Variants in SAG observed in about 807,000 individuals in gnomAD.
The protein encoded by SAG is S-antigen visual arrestin.
Under a neutral mutation model 55.0 loss-of-function variants are expected in SAG, and 45 were observed. The observed-to-expected ratio is 0.82, with a 90% CI of 0.64 to 1.05. The LOEUF is 1.05. SAG is among the 50% of genes least tolerant of loss of function. The pLI is 0.00. For synonymous variants in SAG, 189 were observed against 197.4 expected (o/e 0.96, Z 0.36); for missense variants, 455 against 512.1 (o/e 0.89, Z 1.08).
chr2:233,336,439 C>T (rs377300567), intron 11 of SAG, among the ~76,000 whole-genome samples: 6 of 151,590 alleles, frequency 4.0e-5, no homozygotes, highest in Admixed American at 1.3e-4. Context: ...CGCTTGAACC[C>T]GGGAGGCGGA....
Position 233,312,018 on chromosome 2 carries a change from C to T in SAG, c.75+2754C>T, listed in dbSNP as rs574685924. ...GTGCATGCCTGTAATCCCAGCTACTCGGGAGGCTGAGGCAGGAGAATCGCT... is the reference window on the plus strand; with the variant it reads ...GTGCATGCCTGTAATCCCAGCTACTTGGGAGGCTGAGGCAGGAGAATCGCT... On this transcript the variant is annotated intron_variant, in intron 2 of 15. Coordinates refer to ENST00000409110, the MANE Select transcript of SAG (RefSeq NM_000541.5). 1.3e-4 allele frequency among the ~76,000 whole-genome samples: 20 copies of T among 152,098 alleles called. No homozygotes were observed. The East Asian group carries it at 2.7e-3, about 21-fold the overall frequency.
chr2:233,321,206 A>G (rs1419507973), intron 5 of SAG, among the ~76,000 whole-genome samples: 1 of 152,158 alleles, frequency 6.6e-6, no homozygotes, highest in Admixed American at 6.6e-5. Flanking sequence ...GTAAGATGTC[A>G]TCTTTTTCCT....
intron 2 of SAG, among the ~76,000 whole-genome samples, chr2:233,312,747 C>A (rs1290249309): frequency 6.6e-6 from 1 of 152,184 alleles, no homozygotes; most frequent in Non-Finnish European, 1.5e-5. Flanking sequence ...GAGAGCATGC[C>A]CTCAACCGTC....
chr2:233,321,080 C>T (rs1040112368), intron 5 of SAG, among the ~76,000 whole-genome samples: 2 of 152,194 alleles, frequency 1.3e-5, no homozygotes, highest in African/African-American at 2.4e-5. Flanking sequence ...ATTACATGAG[C>T]ACGTGTTATT....
intron 11 of SAG, among the ~76,000 whole-genome samples, chr2:233,335,567 T>C (rs954400657): frequency 7.1e-6 from 1 of 139,914 alleles, no homozygotes; most frequent in African/African-American, 2.6e-5. Flanking sequence ...AGTAATGCTC[T>C]TGGCTGTGTT....
chr2:233,309,567 C>T (rs1041191584), intron 2 of SAG, among the ~76,000 whole-genome samples: 4 of 152,152 alleles, frequency 2.6e-5, no homozygotes, highest in African/African-American at 9.7e-5. Context: ...ATCACTTGAA[C>T]CCAGGAGGTA....
At chr2:233,323,432 C>T (rs770648091) in intron 6 of SAG, among the ~76,000 whole-genome samples, 26 of 151,582 alleles carry the variant, frequency 1.7e-4, no homozygotes, top group Non-Finnish European at 2.5e-4. Flanking sequence ...GGCATGATCT[C>T]GGCTCACCAC....
chr2:233,317,633 A>C (rs1700246833), intron 3 of SAG, among the ~76,000 whole-genome samples: 1 of 152,264 alleles, frequency 6.6e-6, no homozygotes. Flanking sequence ...ATGGAGAGAT[A>C]TAAAGACATA....
At chr2:233,314,309 G>T (rs547409580) in intron 2 of SAG, among the ~76,000 whole-genome samples, 147 of 152,232 alleles carry the variant, frequency 9.7e-4, no homozygotes, top group Non-Finnish European at 1.8e-3. Flanking sequence ...TGGGGTTAAG[G>T]GATGAGGGAT....
intron 13 of SAG, among the ~76,000 whole-genome samples, chr2:233,341,580 A>G (rs547395611): frequency 1.0e-4 from 16 of 152,388 alleles, no homozygotes; most frequent in African/African-American, 3.8e-4. Context: ...GCTAAGTGAA[A>G]GAAACCAATA....
chr2:233,327,751 T>C (rs1427722326), intron 7 of SAG: 1 of 152,202 alleles, frequency 6.6e-6, no homozygotes, highest in African/African-American at 2.4e-5. Flanking sequence ...GGTTTCACCA[T>C]GTTGGCCAGG....
chr2:233,336,523 A>AG (rs1700935192), intron 11 of SAG, among the ~76,000 whole-genome samples: 1 of 151,944 alleles, frequency 6.6e-6, no homozygotes, highest in African/African-American at 2.4e-5. Context: ...CAGAAAAAAA[A>AG]AAAAACCAAC....
intron 10 of SAG, chr2:233,334,698 T>G (rs1368701482): frequency 2.5e-6 from 1 of 395,396 alleles, no homozygotes; most frequent in Non-Finnish European, 4.7e-6. Flanking sequence ...TCTCATTAAC[T>G]CCATAGAACA....
At chr2:233,346,548 C>T (rs753242438) in intron 15 of SAG, 136 bp downstream of exon 15, 9 of 967,946 alleles carry the variant, frequency 9.3e-6, no homozygotes, top group African/African-American at 6.4e-5. Flanking sequence ...CGCTACTTCC[C>T]GTCTGCTCCC....
chr2:233,313,289 G>T (rs3792104), intron 2 of SAG, among the ~76,000 whole-genome samples: 16,666 of 152,178 alleles, frequency 0.11, 1,090 homozygotes, highest in African/African-American at 0.17. Context: ...AGGAACAGAG[G>T]CACAAATCTG....
chr2:233,334,594 C>T (rs933958041), intron 10 of SAG: 2 of 192,894 alleles, frequency 1.0e-5, no homozygotes, highest in East Asian at 1.3e-4. Flanking sequence ...GGCCTGGACT[C>T]GTTGCTGACA....
At position 233,319,302 on chromosome 2, in the gene SAG, G is replaced by T. The variant is rs1237991110; in HGVS notation, c.181+507G>T. ...AAATGATGCCTGCTGGGGGCAGGGG[G>T]AGTAAGACCCAGAATTTATTATGGT... On this transcript the variant is annotated intron_variant, in intron 4 of 15. Coordinates refer to ENST00000409110, the MANE Select transcript of SAG (RefSeq NM_000541.5). This position sits in a 1 kb window ranked among gnomAD's most constrained non-coding sequence, Gnocchi z 4.4. 6.6e-6 allele frequency among the ~76,000 whole-genome samples: 1 copy of T among 152,096 alleles called. No homozygotes were observed. Among genetic ancestry groups the T allele is most frequent in the African/African-American group, 2.4e-5 (1 of 41,432 alleles).
intron 2 of SAG, among the ~76,000 whole-genome samples, chr2:233,315,281 CTTTTTTTTTTTTTT>C (rs5839476): frequency 2.9e-5 from 2 of 69,394 alleles, no homozygotes; most frequent in Non-Finnish European, 5.7e-5. Context: ...TCCAGAAGTT[CTTTTTTTTTTTTTT>C]TTTTTTTTTT....
At position 233,323,025 on chromosome 2, in the gene SAG, C is replaced by T. The variant is rs376374743; in HGVS notation, c.435+20C>T. On this transcript the variant is annotated intron_variant, in intron 6 of 15. Coordinates refer to ENST00000409110, the MANE Select transcript of SAG (RefSeq NM_000541.5). ...GGGAAGGTTAGTTCAAGAAGAAATG[C>T]CATGGTTTTATGGATTTGTTCATTC... 6.7e-7 allele frequency: 1 copy of T among 1,489,298 alleles called. No individual in the cohort carries two copies. 92.3% of individuals were successfully genotyped at this position (1,489,298 alleles called of 1,614,324 possible). A position where few individuals can be genotyped will look rare whatever the true frequency, so the allele number is the denominator to read the frequency against.
Sources: gnomAD v4.1 joint callset for allele counts (sites outside exome capture counted in the v4.1 genomes callset) on GRCh38, gnomAD v4.1.1 for gene constraint, Gnocchi (gnomAD v3.1) non-coding constraint, MANE v1.5 for transcripts, NCBI Gene and HGNC (gene_info 2026-07-23, HGNC 2026-07-21) for gene names.